Variants in LDB2 observed in about 807,000 individuals in gnomAD.
LDB2 encodes LIM domain binding 2.
In LDB2, 12 loss-of-function variants were observed where a neutral mutation model predicts 44.3. That is an observed-to-expected ratio of 0.27 (90% CI 0.17 to 0.44). LDB2 has a LOEUF of 0.44. Among genes scored for constraint, LDB2 ranks in the 20% least tolerant of loss-of-function variants. LDB2 has a pLI of 1.00. For synonymous variants in LDB2, 164 were observed against 174.8 expected, an observed-to-expected ratio of 0.94 and a Z score of 0.49; for missense variants, 344 against 473.5, an observed-to-expected ratio of 0.73 and a Z score of 2.54.
At chr4:16,730,955 C>T (rs1458573943) in intron 2 of LDB2, among the ~76,000 whole-genome samples, 1 of 152,072 alleles carries the variant, frequency 6.6e-6, no homozygotes, top group Non-Finnish European at 1.5e-5. Flanking sequence ...CAAGTTACTT[C>T]CCCCAGGCAT....
chr4:16,797,926 T>C (rs1333911139), intron 1 of LDB2, among the ~76,000 whole-genome samples: 1 of 151,626 alleles, frequency 6.6e-6, no homozygotes, highest in East Asian at 1.9e-4. Flanking sequence ...CCCCAGCTAC[T>C]TGGGAGGCTG....
chr4:16,658,701 G>A (rs543275686), intron 2 of LDB2, among the ~76,000 whole-genome samples: 3 of 152,156 alleles, frequency 2.0e-5, no homozygotes, highest in Non-Finnish European at 4.4e-5. Context: ...TGTGACCTCA[G>A]TGTTAAAAAA....
chr4:16,894,729 A>G (rs1259684919), intron 1 of LDB2, among the ~76,000 whole-genome samples: 1 of 152,162 alleles, frequency 6.6e-6, no homozygotes, highest in Non-Finnish European at 1.5e-5. Flanking sequence ...TTCTCAGGGA[A>G]GGTGCTAATT....
At chr4:16,513,325 C>G (rs901111495) in intron 5 of LDB2, among the ~76,000 whole-genome samples, 2 of 152,154 alleles carry the variant, frequency 1.3e-5, no homozygotes, top group African/African-American at 4.8e-5. Flanking sequence ...TGCACCTCTC[C>G]CCACACAGGC....
intron 2 of LDB2, among the ~76,000 whole-genome samples, chr4:16,712,048 A>C (rs1226111973): frequency 6.6e-6 from 1 of 152,234 alleles, no homozygotes; most frequent in African/African-American, 2.4e-5. Context: ...CCATAAAAGA[A>C]AAAAATTAAC....
intron 2 of LDB2, among the ~76,000 whole-genome samples, chr4:16,667,096 G>C (rs190969825): frequency 6.6e-6 from 1 of 152,294 alleles, no homozygotes; most frequent in Non-Finnish European, 1.5e-5. Flanking sequence ...GAGGATAAAG[G>C]AATGCACAGA....
At chr4:16,562,351 A>G (rs1218827642) in intron 5 of LDB2, among the ~76,000 whole-genome samples, 1 of 152,200 alleles carries the variant, frequency 6.6e-6, no homozygotes, top group East Asian at 1.9e-4. Context: ...AGAATCTACA[A>G]TGTACTCAAA....
intron 5 of LDB2, among the ~76,000 whole-genome samples, chr4:16,556,972 T>C (rs1316391904): frequency 6.6e-6 from 1 of 152,240 alleles, no homozygotes; most frequent in African/African-American, 2.4e-5. Context: ...TAAATCTATG[T>C]GTTGATATTA....
intron 5 of LDB2, among the ~76,000 whole-genome samples, chr4:16,558,436 G>A (rs997022338): frequency 1.3e-5 from 2 of 152,188 alleles, no homozygotes; most frequent in African/African-American, 2.4e-5. Flanking sequence ...GAGCCGATGC[G>A]ATCAACTGGA....
intron 2 of LDB2, among the ~76,000 whole-genome samples, chr4:16,727,787 CTTT>C (rs1336303066): frequency 1.3e-5 from 2 of 152,048 alleles, no homozygotes; most frequent in African/African-American, 2.4e-5. Flanking sequence ...TTTTTCATTT[CTTT>C]GTTTTGCTTT....
In LDB2 at chr4:16,708,707, A is replaced by G. The variant is rs550202480; in HGVS notation, c.235+50451T>C. Among the ~76,000 whole-genome samples the G allele has an allele frequency of 1.8e-4, 27 of 152,218 alleles. No homozygotes were observed. In the Middle Eastern group the frequency reaches 0.01, roughly 58 times the overall value. ...AGAGTCAAAAGGAAAGACAATTATG[A>G]TATAGTGGATAGACATAATTATATT... On this transcript the variant is annotated intron_variant, in intron 2 of 7. Transcript: ENST00000304523.
chr4:16,792,508 G>A (rs1775971067), intron 1 of LDB2, among the ~76,000 whole-genome samples: 1 of 152,198 alleles, frequency 6.6e-6, no homozygotes, highest in Middle Eastern at 3.2e-3. Context: ...GTAGATGAAA[G>A]TGTCACAGAG....
intron 5 of LDB2, among the ~76,000 whole-genome samples, chr4:16,525,598 C>T (rs1727918585): frequency 6.6e-6 from 1 of 152,326 alleles, no homozygotes; most frequent in South Asian, 2.1e-4. Flanking sequence ...CACCTACTTA[C>T]TGAATGTGTA....
At chr4:16,592,834 A>T (rs893818453) in intron 3 of LDB2, among the ~76,000 whole-genome samples, 4 of 152,078 alleles carry the variant, frequency 2.6e-5, no homozygotes, top group African/African-American at 9.7e-5. Flanking sequence ...CCAAGAATGT[A>T]CCCTAGAAAG....
chr4:16,859,863 G>A (rs1486330133), intron 1 of LDB2, among the ~76,000 whole-genome samples: 1 of 152,180 alleles, frequency 6.6e-6, no homozygotes, highest in Non-Finnish European at 1.5e-5. Context: ...GACATATATT[G>A]AACGTTTAAA....
chr4:16,837,657 CAT>C (rs1445559278), intron 1 of LDB2, among the ~76,000 whole-genome samples: 1 of 152,238 alleles, frequency 6.6e-6, no homozygotes, highest in African/African-American at 2.4e-5. Flanking sequence ...AACTGCCAAA[CAT>C]GTGCATAAGG....
At chr4:16,738,686 G>A (rs1259182307) in intron 2 of LDB2, among the ~76,000 whole-genome samples, 2 of 152,186 alleles carry the variant, frequency 1.3e-5, no homozygotes, top group African/African-American at 4.8e-5. Flanking sequence ...GTGAAAATCT[G>A]GTTCACATGT....
chr4:16,572,426 C>T (rs947518799), intron 5 of LDB2, among the ~76,000 whole-genome samples: 2 of 152,274 alleles, frequency 1.3e-5, no homozygotes, highest in East Asian at 3.9e-4. Flanking sequence ...GTGCCTGAGA[C>T]TGGGAAATTA....
At chr4:16,823,429 C>G (rs1782471688) in intron 1 of LDB2, among the ~76,000 whole-genome samples, 2 of 152,172 alleles carry the variant, frequency 1.3e-5, no homozygotes, top group South Asian at 4.1e-4. Context: ...CAATCCCATC[C>G]CTGGCCAGGT....
Sources: allele counts gnomAD v4.1 joint callset (sites outside exome capture counted in the v4.1 genomes callset), GRCh38; gene constraint gnomAD v4.1.1; transcripts MANE v1.5; gene names NCBI Gene and HGNC (gene_info 2026-07-23, HGNC 2026-07-21).